Variants in MITF observed in about 807,000 individuals in gnomAD.
MITF encodes microphthalmia-associated transcription factor.
In MITF, 17 loss-of-function variants were observed where a neutral mutation model predicts 60.5. The observed-to-expected ratio is 0.28, with a 90% CI of 0.19 to 0.42. The LOEUF (loss-of-function observed/expected upper bound fraction) is 0.42, where lower values mean the gene tolerates loss of function less well. MITF is among the 10% of genes least tolerant of loss of function. MITF has a pLI of 1.00. For synonymous variants in MITF, 260 were observed against 248.5 expected (o/e 1.05, Z -0.43); for missense variants, 622 against 683.5 (o/e 0.91, Z 1.00).
At chr3:69,842,574 C>T (rs531017764) in intron 1 of MITF, among the ~76,000 whole-genome samples, 11 of 152,188 alleles carry the variant, frequency 7.2e-5, no homozygotes, top group African/African-American at 2.2e-4. Context: ...CGGAGGTAGC[C>T]GGTAGATGTT....
intron 1 of MITF, among the ~76,000 whole-genome samples, chr3:69,812,934 A>G (rs1349034546): frequency 2.0e-5 from 3 of 152,160 alleles, no homozygotes; most frequent in Non-Finnish European, 4.4e-5. Flanking sequence ...AGATCCTTTT[A>G]CTTTTGCCTC....
chr3:69,833,410 G>T (rs888578672), intron 1 of MITF, among the ~76,000 whole-genome samples: 5 of 151,714 alleles, frequency 3.3e-5, no homozygotes, highest in Admixed American at 6.6e-5. Flanking sequence ...GTATGTGGTG[G>T]TTTCCCCGTT....
chr3:69,942,805 G>A (rs1472953033), intron 5 of MITF, among the ~76,000 whole-genome samples: 3 of 152,110 alleles, frequency 2.0e-5, no homozygotes, highest in Non-Finnish European at 4.4e-5. Flanking sequence ...GGGGGAGCAT[G>A]CCCTGGGGAA....
intron 1 of MITF, among the ~76,000 whole-genome samples, chr3:69,834,844 T>TCC (rs1385004895): frequency 7.8e-6 from 1 of 128,650 alleles, no homozygotes; most frequent in Non-Finnish European, 1.8e-5. Flanking sequence ...TTGTTTTCTT[T>TCC]TCTTTTTTTT....
At chr3:69,848,957 C>CTT (rs55969316) in intron 1 of MITF, among the ~76,000 whole-genome samples, 2,065 of 72,850 alleles carry the variant, frequency 0.028, 33 homozygotes, top group Non-Finnish European at 0.034. Context: ...AAAGATTCTT[C>CTT]TTTTTTTTTT....
intron 1 of MITF, among the ~76,000 whole-genome samples, chr3:69,755,855 C>T (rs1489007859): frequency 1.3e-5 from 2 of 152,190 alleles, no homozygotes. Flanking sequence ...TGCTGCTGCT[C>T]ACCTTACTGC....
At chr3:69,789,182 T>C (rs1327541615) in intron 1 of MITF, among the ~76,000 whole-genome samples, 5 of 152,130 alleles carry the variant, frequency 3.3e-5, no homozygotes, top group Non-Finnish European at 7.4e-5. Flanking sequence ...AATGACACAA[T>C]CATCAGACTG....
chr3:69,872,013 C>G (rs1218057340), intron 1 of MITF, among the ~76,000 whole-genome samples: 1 of 152,078 alleles, frequency 6.6e-6, no homozygotes, highest in East Asian at 1.9e-4. Flanking sequence ...ACAGAGTAAG[C>G]AAGAATTCTA....
chr3:69,938,288 G>A (rs2065891390), intron 3 of MITF: 1 of 1,414,354 alleles, frequency 7.1e-7, no homozygotes, highest in Non-Finnish European at 9.8e-7. Context: ...TGGAGGCGAG[G>A]ACACTTTTGC....
chr3:69,801,982 T>C (rs1211793400), intron 1 of MITF, among the ~76,000 whole-genome samples: 11 of 152,158 alleles, frequency 7.2e-5, no homozygotes, highest in Admixed American at 7.2e-4. Flanking sequence ...ATGGGTCTTA[T>C]TATTGTTAGT....
rs138884138 is a variant in MITF, at chr3:69,895,005, A to T, written c.354+15622A>T. On this transcript the variant is annotated intron_variant, in intron 2 of 9. Transcript: ENST00000352241. ...TGGACCCCTAGTATGACCCAGGGGA[A>T]GTTGTCTTTCTGGGTGTAGGTCTCC... 7.4e-3 allele frequency among the ~76,000 whole-genome samples: 1,134 copies of T among 152,278 alleles called. 22 individuals carry two copies. Among genetic ancestry groups the T allele is most frequent in the African/African-American group, 0.026 (1,073 of 41,548 alleles).
intron 1 of MITF, among the ~76,000 whole-genome samples, chr3:69,875,371 C>CT (rs145329810): frequency 0.01 from 1,564 of 152,308 alleles, 24 homozygotes; most frequent in African/African-American, 0.036. Flanking sequence ...GTCTAGGTAA[C>CT]TGACTTAATT....
chr3:69,930,621 T>A (rs2065698299), intron 2 of MITF, among the ~76,000 whole-genome samples: 1 of 152,220 alleles, frequency 6.6e-6, no homozygotes, highest in Non-Finnish European at 1.5e-5. Context: ...GCAATATTTG[T>A]TGATTGAATG....
intron 1 of MITF, among the ~76,000 whole-genome samples, chr3:69,749,082 G>T (rs919429189): frequency 2.0e-5 from 3 of 152,160 alleles, no homozygotes; most frequent in Admixed American, 2.0e-4. Flanking sequence ...TTGGTGAAAG[G>T]AAATGCTCAT....
intron 1 of MITF, among the ~76,000 whole-genome samples, chr3:69,755,436 T>G (rs1284726462): frequency 4.4e-5 from 1 of 22,880 alleles, no homozygotes; most frequent in African/African-American, 1.3e-4. Flanking sequence ...CTTCTGGGTT[T>G]TTTTTTTTTT....
At chr3:69,879,006 A>G in intron 1 of MITF, 128 bp from the exon 2 acceptor site, 1 of 756,202 alleles carries the variant, frequency 1.3e-6, no homozygotes, top group Admixed American at 2.0e-5. Context: ...GTGGAGTACC[A>G]TTCTGTGACT....
At chr3:69,828,071 G>A (rs1159950856) in intron 1 of MITF, among the ~76,000 whole-genome samples, 1 of 152,076 alleles carries the variant, frequency 6.6e-6, no homozygotes, top group Non-Finnish European at 1.5e-5. Flanking sequence ...TTGGCCCAAG[G>A]TATGATTACT....
At chr3:69,919,211 A>G (rs572029847) in intron 2 of MITF, among the ~76,000 whole-genome samples, 1 of 152,338 alleles carries the variant, frequency 6.6e-6, no homozygotes, top group African/African-American at 2.4e-5. Context: ...CAGTTTGGCG[A>G]TTGAAACCAC....
chr3:69,796,909 G>C (rs573841963), intron 1 of MITF, among the ~76,000 whole-genome samples: 2 of 152,240 alleles, frequency 1.3e-5, no homozygotes, highest in East Asian at 3.9e-4. Context: ...ATGTGTAGGG[G>C]TTAAGTGGTT....
Sources: allele counts gnomAD v4.1 joint callset (sites outside exome capture counted in the v4.1 genomes callset), GRCh38; gene constraint gnomAD v4.1.1; transcripts MANE v1.5; gene names NCBI Gene and HGNC (gene_info 2026-07-23, HGNC 2026-07-21).